Variants in ILDR2 observed in about 807,000 individuals in gnomAD.
ILDR2 encodes immunoglobulin-like domain-containing receptor 2.
In ILDR2, 25 loss-of-function variants were observed where a neutral mutation model predicts 66.8. The ratio of observed to expected loss-of-function variants is 0.37; its 90% CI spans 0.27 to 0.52. The LOEUF (loss-of-function observed/expected upper bound fraction) is 0.52, where lower values mean the gene tolerates loss of function less well. ILDR2 is among the 20% of genes least tolerant of loss of function. ILDR2 has a pLI of 0.88. For synonymous variants in ILDR2, 367 were observed against 357.2 expected (o/e 1.03, Z -0.31); for missense variants, 827 against 876.8 (o/e 0.94, Z 0.72).
chr1:166,895,992 C>T (rs1045287033), exon 3 of ILDR2: 3 of 152,146 alleles, frequency 2.0e-5, no homozygotes, highest in African/African-American at 7.2e-5. Flanking sequence ...TAAGAATGTT[C>T]CTTTGTCTTC....
At chr1:166,953,373 TC>T (rs2101966992) in intron 3 of ILDR2, among the ~76,000 whole-genome samples, 1 of 152,336 alleles carries the variant, frequency 6.6e-6, no homozygotes, top group Non-Finnish European at 1.5e-5. Flanking sequence ...CATCAACTTT[TC>T]CATCCTTACC....
At chr1:166,968,880 C>A (rs1663116338) in intron 1 of ILDR2, among the ~76,000 whole-genome samples, 1 of 152,050 alleles carries the variant, frequency 6.6e-6, no homozygotes, top group Admixed American at 6.5e-5. Context: ...CCATAGCTAC[C>A]CACAGCTGAC....
In ILDR2 at chr1:166,919,337, A is replaced by G; in HGVS notation, c.*18T>C. Reference sequence around the variant, plus strand: ...GTCCATGTCTGATTTCTCATTATCCAGAGAAATGTTGACAACATCAGACCA... The same window carrying G: ...GTCCATGTCTGATTTCTCATTATCCGGAGAAATGTTGACAACATCAGACCA... On this transcript the variant is annotated 3_prime_UTR_variant, in exon 10 of 10. Transcript: ENST00000271417. 2 of 1,609,342 alleles carry G rather than the reference A, an allele frequency of 1.2e-6. No individual in the cohort carries two copies. The highest frequency in any genetic ancestry group is 8.5e-7 in the Non-Finnish European group (1 of 1,176,008).
chr1:166,930,914 A>G (rs759807789), intron 6 of ILDR2, among the ~76,000 whole-genome samples: 5 of 152,240 alleles, frequency 3.3e-5, no homozygotes, highest in Non-Finnish European at 7.3e-5. Flanking sequence ...TGATGTTTTA[A>G]TAAGAAATGT....
intron 6 of ILDR2, among the ~76,000 whole-genome samples, chr1:166,931,210 A>C (rs1660622806): frequency 6.6e-6 from 1 of 152,220 alleles, no homozygotes; most frequent in Non-Finnish European, 1.5e-5. Flanking sequence ...ATTAAGGTTT[A>C]GGTAGTTTTC....
intron 8 of ILDR2, among the ~76,000 whole-genome samples, chr1:166,922,261 A>C (rs1367525041): frequency 6.6e-6 from 1 of 152,096 alleles, no homozygotes; most frequent in Non-Finnish European, 1.5e-5. Context: ...TACCGAAAAA[A>C]ACAAAAAAAA....
At position 166,901,184 on chromosome 1, in the gene ILDR2, G is replaced by A. The variant is rs189789732; in HGVS notation, n.172-5083C>T. ...TGTATATCTAACACAAACTAATTGA[G>A]CATGCCTCAAATGCTCCACATTCCC... is the stretch of plus-strand genomic sequence containing the variant. On this transcript the variant is annotated intron_variant and non_coding_transcript_variant, in intron 2 of 2. Coordinates refer to the ILDR2 transcript ENST00000414590. Among the ~76,000 whole-genome samples the A allele has an allele frequency of 1.5e-3, 235 of 152,296 alleles. 1 individual carries two copies. The highest frequency in any genetic ancestry group is 5.3e-3 in the African/African-American group (222 of 41,538).
chr1:166,936,185 G>A lies in ILDR2; in HGVS notation c.703+406C>T, dbSNP rs1297156966. On this transcript the variant is annotated intron_variant, in intron 5 of 9. Coordinates refer to ENST00000271417, the MANE Select transcript of ILDR2 (RefSeq NM_199351.3). The surrounding 1 kb of genome is among the most constrained non-coding windows in gnomAD (Gnocchi z 5.0). The stretch of plus-strand genomic sequence containing the variant: ...GCTGGGTGGGTGCCCAAAGGCCACA[G>A]TTTGCACACTCTTCTCATATAAAAA... Among the ~76,000 whole-genome samples, 6 of 152,264 alleles carry A rather than the reference G, an allele frequency of 3.9e-5. No individual in the cohort carries two copies. Among genetic ancestry groups the A allele is most frequent in the East Asian group, 1.9e-4 (1 of 5,176 alleles).
rs1659459565 is a variant in ILDR2, at chr1:166,910,936, C to T, written c.*8419G>A. 1 of 151,920 alleles carries T rather than the reference C, an allele frequency of 6.6e-6. No individual in the cohort carries two copies. Among genetic ancestry groups the T allele is most frequent in the South Asian group, 2.1e-4 (1 of 4,810 alleles). 9.4% of individuals were successfully genotyped at this position (151,920 alleles called of 1,614,324 possible). On this transcript the variant is annotated 3_prime_UTR_variant, in exon 10 of 10. Coordinates refer to ENST00000271417, the MANE Select transcript of ILDR2 (RefSeq NM_199351.3). ...TTTTTCTTGTCTTTTTAAATTTTTACCTTTTTGTGGAGGATGGGATCTCAC... is the reference window on the plus strand; with the variant it reads ...TTTTTCTTGTCTTTTTAAATTTTTATCTTTTTGTGGAGGATGGGATCTCAC...
chr1:166,971,797 C>T (rs777695832), intron 1 of ILDR2, among the ~76,000 whole-genome samples: 17 of 152,170 alleles, frequency 1.1e-4, no homozygotes, highest in East Asian at 3.9e-4. Flanking sequence ...AGACTGACAA[C>T]GCTTTGAGGG....
In ILDR2 at chr1:166,939,665, C is replaced by G. The variant is rs72707831; in HGVS notation, c.500-95G>C. On this transcript the variant is annotated intron_variant, in intron 3 of 9. Coordinates refer to ENST00000271417, the MANE Select transcript of ILDR2 (RefSeq NM_199351.3). ...CTCCAGTTGGTACCATCCACACGTG[C>G]GGCCATTAGTGCATGCTCTTTGTGA... 8.8e-3 allele frequency: 8,486 copies of G among 958,884 alleles called. 51 individuals are homozygous for G. Among genetic ancestry groups the G allele is most frequent in the Non-Finnish European group, 0.011 (6,688 of 597,166 alleles). The allele number at this position is 958,884 out of a possible 1,614,324, so 59.4% of individuals were successfully genotyped here.
At chr1:166,952,530 T>A (rs1365976417) in intron 3 of ILDR2, among the ~76,000 whole-genome samples, 1 of 152,224 alleles carries the variant, frequency 6.6e-6, no homozygotes, top group Admixed American at 6.5e-5. Flanking sequence ...TTTGGATATT[T>A]CTGAAACCAC....
intron 3 of ILDR2, among the ~76,000 whole-genome samples, chr1:166,940,639 A>G (rs973799829): frequency 6.6e-6 from 1 of 152,228 alleles, no homozygotes; most frequent in Non-Finnish European, 1.5e-5. Flanking sequence ...TTTTCCAGGA[A>G]GTACAATAAA....
intron 2 of ILDR2, among the ~76,000 whole-genome samples, chr1:166,896,692 A>G (rs1659172996): frequency 6.7e-6 from 1 of 150,212 alleles, no homozygotes. Context: ...CTGGAGTGCA[A>G]TGGCACGATT....
At chr1:166,947,693 G>C (rs113610921) in intron 3 of ILDR2, among the ~76,000 whole-genome samples, 73 of 152,236 alleles carry the variant, frequency 4.8e-4, no homozygotes, top group African/African-American at 1.7e-3. Flanking sequence ...GCCGGCGCGG[G>C]TCCACCCGAC....
chr1:166,955,176 C>T (rs574048025), intron 3 of ILDR2, among the ~76,000 whole-genome samples: 4 of 152,244 alleles, frequency 2.6e-5, no homozygotes, highest in Admixed American at 2.6e-4. Context: ...TTTTCATTTC[C>T]TGCTGAATAT....
intron 3 of ILDR2, among the ~76,000 whole-genome samples, chr1:166,943,230 C>T (rs546706864): frequency 1.3e-3 from 202 of 152,272 alleles, no homozygotes; most frequent in African/African-American, 4.4e-3. Context: ...CGGTGGCTCA[C>T]GCCTGTAATC....
At chr1:166,965,853 A>C (rs1369251418) in intron 1 of ILDR2, among the ~76,000 whole-genome samples, 3 of 151,764 alleles carry the variant, frequency 2.0e-5, no homozygotes, top group Admixed American at 6.6e-5. Context: ...TGTTGTCCCA[A>C]TTTCCTAAGA....
chr1:166,902,239 A>T (rs962225202), intron 2 of ILDR2, among the ~76,000 whole-genome samples: 2 of 152,218 alleles, frequency 1.3e-5, no homozygotes, highest in Admixed American at 1.3e-4. Context: ...AAGGCTGCAC[A>T]TGTCTCTCTC....
Sources: allele counts gnomAD v4.1 joint callset (sites outside exome capture counted in the v4.1 genomes callset), GRCh38; gene constraint gnomAD v4.1.1; non-coding constraint Gnocchi (gnomAD v3.1); transcripts MANE v1.5; gene names NCBI Gene and HGNC (gene_info 2026-07-23, HGNC 2026-07-21).